PARD3B: variants seen among roughly 807,000 people sequenced by gnomAD.
PARD3B encodes partitioning defective 3 homolog B.
In PARD3B, 103 loss-of-function variants were observed where a neutral mutation model predicts 130.2. The observed-to-expected ratio is 0.79, with a 90% CI of 0.67 to 0.93. PARD3B has a LOEUF of 0.93. PARD3B is among the 40% of genes least tolerant of loss of function. The pLI, the probability that PARD3B is intolerant of heterozygous loss-of-function variation, is 0.00. For synonymous variants in PARD3B, 583 were observed against 553.2 expected, an observed-to-expected ratio of 1.05 and a Z score of -0.76; for missense variants, 1,609 against 1,499.2, an observed-to-expected ratio of 1.07 and a Z score of -1.21.
chr2:205,335,720 G>A (rs1228644527), intron 18 of PARD3B, among the ~76,000 whole-genome samples: 1 of 152,142 alleles, frequency 6.6e-6, no homozygotes, highest in African/African-American at 2.4e-5. Flanking sequence ...AAGGCAAGGA[G>A]GAGCAAGTCA....
Position 205,301,775 on chromosome 2 carries a change from T to G in PARD3B, c.2630+74T>G, listed in dbSNP as rs757844137. 1 of 1,612,866 alleles carries G rather than the reference T, an allele frequency of 6.2e-7. No individual in the cohort carries two copies. Among genetic ancestry groups the G allele is most frequent in the African/African-American group, 1.3e-5 (1 of 74,904 alleles). On this transcript the variant is annotated intron_variant, in intron 18 of 22. Coordinates refer to ENST00000406610, the MANE Select transcript of PARD3B (RefSeq NM_001302769.2). The surrounding 1 kb of genome is among the most constrained non-coding windows in gnomAD (Gnocchi z 5.2). ...GGTAAAATCACTCCTTTGTCTGTAC[T>G]CAGAAAAAAGCGCACGCTTTTCCTC...
intron 5 of PARD3B, among the ~76,000 whole-genome samples, chr2:205,112,279 A>G (rs1254009126): frequency 2.0e-5 from 3 of 152,100 alleles, no homozygotes; most frequent in Admixed American, 2.0e-4. Flanking sequence ...GCATTTCTTA[A>G]TGATAATAGG....
chr2:205,198,624 C>A (rs1389987141), intron 15 of PARD3B, among the ~76,000 whole-genome samples: 2 of 151,944 alleles, frequency 1.3e-5, no homozygotes, highest in Non-Finnish European at 1.5e-5. Context: ...GAATATGAAA[C>A]CTTTTATATA....
intron 20 of PARD3B, among the ~76,000 whole-genome samples, chr2:205,454,961 A>G (rs1199328772): frequency 6.6e-6 from 1 of 152,136 alleles, no homozygotes; most frequent in African/African-American, 2.4e-5. Context: ...CCTTTAAGCA[A>G]AGTGTGTATG....
At chr2:204,823,042 C>T (rs974013070) in intron 2 of PARD3B, among the ~76,000 whole-genome samples, 2 of 152,120 alleles carry the variant, frequency 1.3e-5, no homozygotes, top group African/African-American at 4.8e-5. Context: ...AGCCAGCTTT[C>T]CCTCTGGAAA....
intron 16 of PARD3B, among the ~76,000 whole-genome samples, chr2:205,260,229 A>G (rs978083743): frequency 6.6e-6 from 1 of 152,192 alleles, no homozygotes; most frequent in Non-Finnish European, 1.5e-5. Context: ...TGGCATCACC[A>G]GAATACCTAT....
At chr2:205,594,618 C>A (rs1435084320) in intron 22 of PARD3B, among the ~76,000 whole-genome samples, 2 of 152,144 alleles carry the variant, frequency 1.3e-5, no homozygotes, top group Non-Finnish European at 2.9e-5. Context: ...TTGACCATGA[C>A]CTCCAAGGAA....
At chr2:205,150,119 A>T (rs1488734300) in intron 10 of PARD3B, among the ~76,000 whole-genome samples, 2 of 152,132 alleles carry the variant, frequency 1.3e-5, no homozygotes, top group East Asian at 1.9e-4. Flanking sequence ...AATCTCAAGG[A>T]CAGAGCCTCT....
At chr2:205,323,070 C>T (rs540336749) in intron 18 of PARD3B, among the ~76,000 whole-genome samples, 1 of 151,472 alleles carries the variant, frequency 6.6e-6, no homozygotes, top group South Asian at 2.1e-4. Context: ...ACCACCAAGC[C>T]CGGCTAATTT....
intron 2 of PARD3B, among the ~76,000 whole-genome samples, chr2:204,818,233 C>T (rs1443219944): frequency 6.6e-6 from 1 of 152,140 alleles, no homozygotes; most frequent in Non-Finnish European, 1.5e-5. Flanking sequence ...TTAAGAAATG[C>T]ATGATCTTGA....
intron 19 of PARD3B, among the ~76,000 whole-genome samples, chr2:205,401,437 T>C (rs555920739): frequency 2.0e-5 from 3 of 152,230 alleles, no homozygotes; most frequent in Non-Finnish European, 4.4e-5. Flanking sequence ...TGGATATTGA[T>C]GTTTAGAACT....
intron 18 of PARD3B, among the ~76,000 whole-genome samples, chr2:205,382,073 A>T (rs2045471285): frequency 6.6e-6 from 1 of 152,236 alleles, no homozygotes; most frequent in Admixed American, 6.6e-5. Flanking sequence ...AGAAATTAAC[A>T]TGGTTACAAA....
intron 20 of PARD3B, among the ~76,000 whole-genome samples, chr2:205,480,741 T>C (rs1209179314): frequency 6.6e-6 from 1 of 152,116 alleles, no homozygotes; most frequent in Non-Finnish European, 1.5e-5. Flanking sequence ...TCTGTTCTTG[T>C]GGTGGAAGGC....
intron 20 of PARD3B, among the ~76,000 whole-genome samples, chr2:205,451,688 G>T (rs1404939688): frequency 7.0e-6 from 1 of 143,744 alleles, no homozygotes; most frequent in Non-Finnish European, 1.5e-5. Context: ...TATGTAATAG[G>T]TATATATATA....
In PARD3B at chr2:204,604,805, A is replaced by G. The variant is rs567539870; in HGVS notation, c.120+58686A>G. Reference sequence around the variant, plus strand: ...CTATCTTAAAATGTATTGCCTTAACATATTTATTTTATGATATCTCTTGGG... The same window carrying G: ...CTATCTTAAAATGTATTGCCTTAACGTATTTATTTTATGATATCTCTTGGG... On this transcript the variant is annotated intron_variant, in intron 1 of 22. Transcript: ENST00000406610. 1.0e-3 allele frequency among the ~76,000 whole-genome samples: 154 copies of G among 152,240 alleles called. 1 individual carries two copies. The highest frequency in any genetic ancestry group is 3.5e-3 in the African/African-American group (147 of 41,556).
rs1042587461 is a variant in PARD3B at position 205,498,155 on chromosome 2, G to T, written c.3045-1741G>T. 6.2e-5 allele frequency among the ~76,000 whole-genome samples: 9 copies of T among 145,190 alleles called. No individual in the cohort carries two copies. In the Admixed American group the frequency reaches 6.4e-4, roughly 10 times the overall value. Reference sequence around the variant, plus strand: ...GCAGAGGTTGCAGTGAGCCAAGATCGCACCACTGCACTCTACCCTGGGTGA... The same window carrying T: ...GCAGAGGTTGCAGTGAGCCAAGATCTCACCACTGCACTCTACCCTGGGTGA... On this transcript the variant is annotated intron_variant, in intron 20 of 22. Coordinates refer to ENST00000406610, the MANE Select transcript of PARD3B (RefSeq NM_001302769.2).
chr2:204,857,402 T>C (rs1034892793), intron 2 of PARD3B, among the ~76,000 whole-genome samples: 1 of 151,928 alleles, frequency 6.6e-6, no homozygotes, highest in Non-Finnish European at 1.5e-5. Context: ...GAAGGAAAAT[T>C]TGTTTTCTCA....
At chr2:204,811,643 A>G in intron 2 of PARD3B, among the ~76,000 whole-genome samples, 1 of 152,140 alleles carries the variant, frequency 6.6e-6, no homozygotes, top group Admixed American at 6.5e-5. Context: ...TGGACTCTGG[A>G]ATGTAATTGT....
intron 10 of PARD3B, among the ~76,000 whole-genome samples, chr2:205,134,494 A>G (rs1340432502): frequency 6.6e-6 from 1 of 151,610 alleles, no homozygotes. Flanking sequence ...CACTGCATCT[A>G]GCCTGGGCAA....
Sources: gnomAD v4.1 joint callset for allele counts (sites outside exome capture counted in the v4.1 genomes callset) on GRCh38, gnomAD v4.1.1 for gene constraint, Gnocchi (gnomAD v3.1) non-coding constraint, MANE v1.5 for transcripts, NCBI Gene and HGNC (gene_info 2026-07-23, HGNC 2026-07-21) for gene names.